The following KCNH2 variants were observed in gnomAD, a reference collection of about 807,000 sequenced individuals.
KCNH2 encodes the protein voltage-gated inwardly rectifying potassium channel KCNH2.
Under a neutral mutation model 95.9 loss-of-function variants are expected in KCNH2, and 35 were observed. That is an observed-to-expected ratio of 0.37 (90% confidence interval 0.28 to 0.48). KCNH2 has a LOEUF of 0.48. Ranked by LOEUF, KCNH2 falls within the 20% of genes least tolerant of loss-of-function variation. KCNH2 has a pLI of 0.99. For synonymous variants in KCNH2, 786 were observed against 754.7 expected (o/e 1.04, Z -0.68); for missense variants, 1,274 against 1,702.9 (o/e 0.75, Z 4.43).
At chr7:150,975,155 T>A (rs1801950225) in intron 1 of KCNH2, among the ~76,000 whole-genome samples, 2 of 151,748 alleles carry the variant, frequency 1.3e-5, no homozygotes, top group Admixed American at 1.3e-4. Context: ...CGCCCCCTCC[T>A]CCGCCTGGCC....
At chr7:150,953,666 G>A (rs1584858359) in intron 5 of KCNH2, among the ~76,000 whole-genome samples, 1 of 152,180 alleles carries the variant, frequency 6.6e-6, no homozygotes, top group African/African-American at 2.4e-5. Flanking sequence ...CAGCAGGCAC[G>A]TCCCTCTTGC....
rs1274130731 is a variant in KCNH2, at chr7:150,946,749, G to A, written c.3330+128C>T. The A allele has an allele frequency of 8.2e-6, 7 of 849,474 alleles. No individual in the cohort carries two copies. The highest frequency in any genetic ancestry group is 1.3e-5 in the Non-Finnish European group (7 of 544,588). The allele number at this position is 849,474 out of a possible 1,614,324, so 52.6% of individuals were successfully genotyped here. On this transcript the variant is annotated intron_variant, in intron 14 of 14. Transcript: ENST00000262186. This position sits in a 1 kb window ranked among gnomAD's most constrained non-coding sequence, Gnocchi z 6.5. ...TTCCTCCAGGAGGACAGGGGTGGGA[G>A]GAGGGCAGGAACAAGGTTCAGGGAG...
chr7:150,952,696 G>A lies in KCNH2; in HGVS notation c.1286C>T (p.Ala429Val), dbSNP rs769505732. The change falls in exon 6 of 15, where the codon GCT becomes GTT. Residue 429 changes from alanine (A) to valine (V), a missense_variant. Ala to Val is a moderately conservative substitution (Grantham distance 64). Coordinates refer to ENST00000262186, the MANE Select transcript of KCNH2 (RefSeq NM_000238.4). The surrounding 1 kb of genome is among the most constrained non-coding windows in gnomAD (Gnocchi z 7.3). The stretch of plus-strand genomic sequence containing the variant: ...TTCCGTCTCCTTCAGCAGGAAGGCA[G>A]CCGAGTAGGGTGTGAAGACAGCCGT... ...IYTAVFTPYSAAFLLKETEEG... is the reference protein window; with the variant it reads ...IYTAVFTPYSVAFLLKETEEG... 2 of 1,614,200 alleles carry A rather than the reference G, an allele frequency of 1.2e-6. No individual in the cohort carries two copies. The highest frequency in any genetic ancestry group is 1.1e-5 in the South Asian group (1 of 91,082).
rs536104211 is a variant in KCNH2 at position 150,976,258 on chromosome 7, C to A, written c.77-1317G>T. 5.3e-5 allele frequency among the ~76,000 whole-genome samples: 8 copies of A among 152,302 alleles called. No individual in the cohort carries two copies. The South Asian group carries it at 1.4e-3, about 28-fold the overall frequency. On this transcript the variant is annotated intron_variant, in intron 1 of 14. Coordinates refer to ENST00000262186, the MANE Select transcript of KCNH2 (RefSeq NM_000238.4). Reference sequence around the variant, plus strand: ...CTGCAGCAGGGCACCCTGAGATAGGCCCAGGCCATCAGGACTTGGCCTCCT... The same window carrying A: ...CTGCAGCAGGGCACCCTGAGATAGGACCAGGCCATCAGGACTTGGCCTCCT...
chr7:150,948,423 T>TCCCCCCCCCCCCCCCCC, intron 11 of KCNH2, 21 bp downstream of exon 11: 2 of 894,066 alleles, frequency 2.2e-6, no homozygotes, highest in Non-Finnish European at 3.4e-6. Context: ...CCCTCCCCCT[T>TCCCCCCCCCCCCCCCCC]CCTCCCCTCC....
In KCNH2 at chr7:150,946,684, T is replaced by C. The variant is rs1278976963; in HGVS notation, c.3330+193A>G. On this transcript the variant is annotated intron_variant, in intron 14 of 14. Transcript: ENST00000262186. This position sits in a 1 kb window ranked among gnomAD's most constrained non-coding sequence, Gnocchi z 6.5. Reference sequence around the variant, plus strand: ...TGTCTAGGGGCTTTGGACGGGGGACTCTCCTGCCCTACCCTGAGCCTGCAG... The same window carrying C: ...TGTCTAGGGGCTTTGGACGGGGGACCCTCCTGCCCTACCCTGAGCCTGCAG... Among the ~76,000 whole-genome samples, 1 of 152,042 alleles carries C rather than the reference T, an allele frequency of 6.6e-6. No homozygotes were observed. The highest frequency in any genetic ancestry group is 1.5e-5 in the Non-Finnish European group (1 of 68,008).
In KCNH2 at chr7:150,974,956, A is replaced by C; in HGVS notation, c.77-15T>G. The C allele has an allele frequency of 1.3e-6, 2 of 1,575,786 alleles. No homozygotes were observed. The highest frequency in any genetic ancestry group is 2.3e-5 in the East Asian group (1 of 43,442). On this transcript the variant is annotated splice_polypyrimidine_tract_variant and intron_variant, in intron 1 of 14. Transcript: ENST00000262186. ...GAACTTACGGCCTAGGGGGGCGGGG[A>C]GGAGAGTGCGCGTGAGCGGGGACCC...
Position 150,974,857 on chromosome 7 carries a change from T to C in KCNH2, c.161A>G (p.Tyr54Cys). Residue 54 changes from tyrosine to cysteine, a missense_variant, in exon 2 of 15, where the codon TAC (tyrosine) becomes TGC (cysteine). Physicochemically the swap from Tyr to Cys is radical, Grantham distance 194 (BLOSUM62 -2). Transcript: ENST00000262186. ...CNDGFCELCG[Y>C]SRAEVMQRPC... Reference sequence around the variant, plus strand: ...TCGCTGCATCACCTCGGCCCGCGAGTAGCCGCACAGCTCGCAGAAGCCGTC... The same window carrying C: ...TCGCTGCATCACCTCGGCCCGCGAGCAGCCGCACAGCTCGCAGAAGCCGTC... 1 of 1,610,912 alleles carries C rather than the reference T, an allele frequency of 6.2e-7. No individual in the cohort carries two copies. Among genetic ancestry groups the C allele is most frequent in the Non-Finnish European group, 8.5e-7 (1 of 1,178,918 alleles).
chr7:150,958,620 C>G, intron 3 of KCNH2, 118 bp from the exon 4 acceptor site: 1 of 693,618 alleles, frequency 1.4e-6, no homozygotes. Flanking sequence ...GGCAACCCCC[C>G]ATCCCCACTT....
chr7:150,950,182 A>C lies in KCNH2; in HGVS notation c.2384T>G (p.Val795Gly). ...CCACCCCATACCCAGGATGGCCACG[A>C]CGACGTCGCCCCGCAGGATCTCGAT... is the stretch of plus-strand genomic sequence containing the variant. Reference protein sequence around the residue: ...GSIEILRGDVVVAILGKNDIF... With the variant: ...GSIEILRGDVGVAILGKNDIF... Residue 795 changes from valine to glycine, a missense_variant, in exon 9 of 15, where the codon GTC becomes GGC. This residue lies in a region of KCNH2 where 159 missense variants were observed against 282.5 expected (regional missense o/e 0.56). Transcript: ENST00000262186. 2 of 1,175,812 alleles carry C rather than the reference A, an allele frequency of 1.7e-6. No individual in the cohort carries two copies. The highest frequency in any genetic ancestry group is 4.2e-5 in the East Asian group (1 of 23,654). 72.8% of individuals were successfully genotyped at this position (1,175,812 alleles called of 1,614,324 possible).
At position 150,974,745 on chromosome 7, in the gene KCNH2, C is replaced by A. The variant is rs1433772415; in HGVS notation, c.273G>T (p.Glu91Asp). ...QIAQALLGAE[E>D]RKVEIAFYRK... is the part of the protein sequence containing the mutation. ...GGTAGAAGGCGATTTCCACTTTGCG[C>A]TCCTCGGCGCCCAGCAGTGCCTGCG... Residue 91 changes from glutamate to aspartate, a missense_variant, in exon 2 of 15, where the codon GAG (glutamate) becomes GAT (aspartate). This residue lies in a region of KCNH2 where 85 missense variants were observed against 174.7 expected (regional missense o/e 0.49). Transcript: ENST00000262186. The A allele has an allele frequency of 6.2e-7, 1 of 1,605,506 alleles. No homozygotes were observed.
At chr7:150,949,583 C>T in intron 9 of KCNH2, 1 of 1,061,294 alleles carries the variant, frequency 9.4e-7, no homozygotes. Flanking sequence ...AGCTGAGAAA[C>T]AAAGTCTAAA....
chr7:150,957,848 G>A (rs1801429949), intron 4 of KCNH2, among the ~76,000 whole-genome samples: 1 of 152,254 alleles, frequency 6.6e-6, no homozygotes, highest in Non-Finnish European at 1.5e-5. Context: ...GCCCACCAGG[G>A]CTCTGGGAGT....
chr7:150,948,797 G>C (rs1287478835), intron 10 of KCNH2, 59 bp downstream of exon 10: 1 of 1,481,622 alleles, frequency 6.7e-7, no homozygotes, highest in Admixed American at 1.7e-5. Flanking sequence ...ACACAGCAAA[G>C]GGGCAGCCAC....
At chr7:150,977,285 A>T (rs1050268118) in intron 1 of KCNH2, among the ~76,000 whole-genome samples, 1 of 151,932 alleles carries the variant, frequency 6.6e-6, no homozygotes, top group African/African-American at 2.4e-5. Flanking sequence ...ACACCTCCCC[A>T]CCGCCCATAC....
rs776385441 is a variant in KCNH2 at position 150,946,865 on chromosome 7, G to A, written c.3330+12C>T. On this transcript the variant is annotated intron_variant, in intron 14 of 14. Transcript: ENST00000262186. This position sits in a 1 kb window ranked among gnomAD's most constrained non-coding sequence, Gnocchi z 6.5. ...GGTCACGGTACATCGAGGAAGCAGGGCTGGAGCTTACCTGAGAAAGCGAGT... is the reference window on the plus strand; with the variant it reads ...GGTCACGGTACATCGAGGAAGCAGGACTGGAGCTTACCTGAGAAAGCGAGT... 5.6e-6 allele frequency: 9 copies of A among 1,596,518 alleles called. No homozygotes were observed. Among genetic ancestry groups the A allele is most frequent in the South Asian group, 1.1e-5 (1 of 89,398 alleles).
chr7:150,973,367 T>C (rs1404176867), intron 2 of KCNH2, among the ~76,000 whole-genome samples: 1 of 152,172 alleles, frequency 6.6e-6, no homozygotes, highest in African/African-American at 2.4e-5. Flanking sequence ...TGTGTGACTG[T>C]GTGAACTTCA....
rs747897307 is a variant in KCNH2, at chr7:150,951,410, G to A, written c.1945+38C>T. ...TTCCTCCAACTTGGGTTCCTCCACCGTGGGCTCTCCCCGCCGCCCGCCCCT... is the reference window on the plus strand; with the variant it reads ...TTCCTCCAACTTGGGTTCCTCCACCATGGGCTCTCCCCGCCGCCCGCCCCT... On this transcript the variant is annotated intron_variant, in intron 7 of 14. Transcript: ENST00000262186. The A allele has an allele frequency of 3.7e-5, 59 of 1,611,608 alleles. 1 individual carries two copies. The highest frequency in any genetic ancestry group is 1.8e-4 in the Admixed American group (11 of 59,998).
intron 5 of KCNH2, among the ~76,000 whole-genome samples, chr7:150,953,939 G>C (rs1209698175): frequency 1.3e-5 from 2 of 152,196 alleles, no homozygotes; most frequent in Non-Finnish European, 2.9e-5. Context: ...GGCCATAGTT[G>C]ATGAGTCCCA....
Sources: gnomAD v4.1 joint callset for allele counts (sites outside exome capture counted in the v4.1 genomes callset) on GRCh38, gnomAD v4.1.1 for gene constraint, gnomAD v4.1.1 regional missense constraint, Gnocchi (gnomAD v3.1) non-coding constraint, MANE v1.5 for transcripts, NCBI Gene and HGNC (gene_info 2026-07-23, HGNC 2026-07-21) for gene names.